ZBTB2: variants seen among roughly 807,000 people sequenced by gnomAD.
ZBTB2 encodes the protein zinc finger and BTB domain-containing protein 2.
A neutral mutation model predicts 39.5 loss-of-function variants in ZBTB2; 2 were observed. The observed-to-expected ratio is 0.05, with a 90% confidence interval of 0.02 to 0.16. The LOEUF is 0.16. Among genes scored for constraint, ZBTB2 ranks in the 10% least tolerant of loss-of-function variants. The pLI is 1.00. For missense variants in ZBTB2, 391 were observed against 653.0 expected, an observed-to-expected ratio of 0.60 and a Z score of 4.37; for synonymous variants, 251 against 256.6, an observed-to-expected ratio of 0.98 and a Z score of 0.21.
intron 1 of ZBTB2, among the ~76,000 whole-genome samples, chr6:151,390,562 G>C (rs932767285): frequency 6.6e-6 from 1 of 150,694 alleles, no homozygotes; most frequent in African/African-American, 2.4e-5. Context: ...CCCAGACAGG[G>C]AGAGAGGGAG....
In ZBTB2 at chr6:151,377,301, T is replaced by TA. The variant is rs1422865068; in HGVS notation, c.-12-3653dup. ...GATGTTTCCATTAGGGGAAACTGGG[T>TA]AAAGGGTATATGGGATCTCTATTTC... On this transcript the variant is annotated intron_variant, in intron 1 of 2. Coordinates refer to ENST00000325144, the MANE Select transcript of ZBTB2 (RefSeq NM_020861.3). 2.0e-5 allele frequency among the ~76,000 whole-genome samples: 3 copies of TA among 152,006 alleles called. No individual in the cohort carries two copies. In the East Asian group the frequency reaches 5.8e-4, roughly 29 times the overall value.
intron 1 of ZBTB2, among the ~76,000 whole-genome samples, chr6:151,373,855 A>AC (rs1778838551): frequency 1.4e-5 from 2 of 143,032 alleles, no homozygotes; most frequent in South Asian, 2.3e-4. Flanking sequence ...AAAAAAAAAA[A>AC]AAAAAAAAAA....
At chr6:151,375,601 GGTAGCA>G (rs1778889318) in intron 1 of ZBTB2, among the ~76,000 whole-genome samples, 2 of 152,194 alleles carry the variant, frequency 1.3e-5, no homozygotes, top group African/African-American at 4.8e-5. Flanking sequence ...TCTTGTTGCA[GGTAGCA>G]GTGCAGTGGC....
intron 1 of ZBTB2, among the ~76,000 whole-genome samples, chr6:151,387,433 T>C (rs1258887353): frequency 6.6e-6 from 1 of 152,208 alleles, no homozygotes; most frequent in Non-Finnish European, 1.5e-5. Flanking sequence ...TTTGACTTCA[T>C]TGAATCCTGA....
At chr6:151,375,305 AC>A (rs1469101986) in intron 1 of ZBTB2, among the ~76,000 whole-genome samples, 1 of 152,216 alleles carries the variant, frequency 6.6e-6, no homozygotes, top group East Asian at 1.9e-4. Flanking sequence ...TGTAAATCTA[AC>A]AAAACATGTG....
At chr6:151,368,614 C>T (rs1025490355) in intron 2 of ZBTB2, among the ~76,000 whole-genome samples, 19 of 151,462 alleles carry the variant, frequency 1.3e-4, no homozygotes, top group African/African-American at 3.9e-4. Flanking sequence ...CCACCAGTCC[C>T]GGCTAGTTTT....
At chr6:151,390,565 A>C (rs758684996) in intron 1 of ZBTB2, among the ~76,000 whole-genome samples, 1 of 149,060 alleles carries the variant, frequency 6.7e-6, no homozygotes. Context: ...AGACAGGGAG[A>C]GAGGGAGAGG....
Position 151,365,526 on chromosome 6 carries a change from C to T in ZBTB2, c.1540G>A (p.Asp514Asn). The part of the protein sequence containing the change: ...IKKEQETVLL[D>N] Reference sequence around the variant, plus strand: ...TTTAAAAAGATAAGTGACATTCAGTCTAGTAAGACGGTTTCTTGTTCCTTT... The same window carrying T: ...TTTAAAAAGATAAGTGACATTCAGTTTAGTAAGACGGTTTCTTGTTCCTTT... The change falls in exon 3 of 3, where the codon GAC (aspartate) becomes AAC (asparagine). Residue 514 changes from aspartate (D) to asparagine (N), a missense_variant. By Grantham distance (23) the Asp-to-Asn change is conservative. This residue lies in a region of ZBTB2 where 49 missense variants were observed against 55.6 expected (regional missense o/e 0.88). Coordinates refer to ENST00000325144, the MANE Select transcript of ZBTB2 (RefSeq NM_020861.3). The surrounding 1 kb of genome is among the most constrained non-coding windows in gnomAD (Gnocchi z 5.6). 6.2e-7 allele frequency: 1 copy of T among 1,602,254 alleles called. No individual in the cohort carries two copies. The highest frequency in any genetic ancestry group is 1.7e-4 in the Middle Eastern group (1 of 5,990).
intron 1 of ZBTB2, among the ~76,000 whole-genome samples, chr6:151,387,849 A>G (rs1381061741): frequency 6.6e-6 from 1 of 152,184 alleles, no homozygotes; most frequent in African/African-American, 2.4e-5. Context: ...GGATCTACAT[A>G]TGTTGGGCTG....
intron 1 of ZBTB2, among the ~76,000 whole-genome samples, chr6:151,382,461 G>T (rs1779055947): frequency 6.6e-6 from 1 of 151,516 alleles, no homozygotes; most frequent in Non-Finnish European, 1.5e-5. Flanking sequence ...CTCCATGTTG[G>T]TCAGGCTGGT....
intron 1 of ZBTB2, among the ~76,000 whole-genome samples, chr6:151,373,869 A>AAC (rs869198661): frequency 1.4e-5 from 2 of 147,222 alleles, no homozygotes; most frequent in Non-Finnish European, 3.0e-5. Flanking sequence ...AAAAAAAAAA[A>AAC]AAAAAAAACC....
intron 1 of ZBTB2, among the ~76,000 whole-genome samples, chr6:151,389,621 A>G (rs1779238591): frequency 6.6e-6 from 1 of 152,180 alleles, no homozygotes; most frequent in Non-Finnish European, 1.5e-5. Context: ...CTAAAACAAT[A>G]CCCTGATAAA....
At chr6:151,379,257 T>C (rs1778981215) in intron 1 of ZBTB2, among the ~76,000 whole-genome samples, 1 of 152,214 alleles carries the variant, frequency 6.6e-6, no homozygotes, top group African/African-American at 2.4e-5. Flanking sequence ...GTAAAGCTTA[T>C]TTTTACATTT....
In ZBTB2 at chr6:151,373,482, C is replaced by A; in HGVS notation, c.156G>T (p.Leu52Phe). 1 of 1,614,130 alleles carries A rather than the reference C, an allele frequency of 6.2e-7. No individual in the cohort carries two copies. Among genetic ancestry groups the A allele is most frequent in the Non-Finnish European group, 8.5e-7 (1 of 1,180,020 alleles). Residue 52 changes from leucine (L) to phenylalanine (F), a missense_variant, in exon 2 of 3, where the codon TTG (leucine) becomes TTT (phenylalanine). This residue lies in a region of ZBTB2 where 38 missense variants were observed against 109.2 expected (regional missense o/e 0.35). Transcript: ENST00000325144. ...TTAGTTACCTGGTCTGATGGACAAA[C>A]AACATCTTAAAGTAATTGGAGAATG... ...LASFSNYFKM[L>F]FVHQTSECVR... is the part of the protein sequence containing the mutation.
At chr6:151,375,268 A>T (rs985351053) in intron 1 of ZBTB2, among the ~76,000 whole-genome samples, 1 of 152,238 alleles carries the variant, frequency 6.6e-6, no homozygotes, top group African/African-American at 2.4e-5. Flanking sequence ...TACCATTTAA[A>T]ATCACTCAAA....
At chr6:151,370,753 C>T (rs996448524) in intron 2 of ZBTB2, among the ~76,000 whole-genome samples, 1 of 152,218 alleles carries the variant, frequency 6.6e-6, no homozygotes, top group Admixed American at 6.5e-5. Context: ...TCATGCCCCA[C>T]AGAGGAGGTG....
chr6:151,381,625 C>T (rs2114874093), intron 1 of ZBTB2, among the ~76,000 whole-genome samples: 1 of 152,362 alleles, frequency 6.6e-6, no homozygotes, highest in South Asian at 2.1e-4. Context: ...CGCTGCACCT[C>T]TTCCAGGGTC....
intron 1 of ZBTB2, among the ~76,000 whole-genome samples, chr6:151,385,838 G>T (rs1292414851): frequency 3.3e-5 from 5 of 152,082 alleles, no homozygotes; most frequent in Non-Finnish European, 7.4e-5. Context: ...CTGGTCATTT[G>T]AATTTTAATA....
At chr6:151,368,787 G>A (rs1373248063) in intron 2 of ZBTB2, among the ~76,000 whole-genome samples, 2 of 145,252 alleles carry the variant, frequency 1.4e-5, no homozygotes, top group Non-Finnish European at 3.0e-5. Flanking sequence ...ATTTTGAGAC[G>A]AAGTCTTGCT....
Sources: allele counts gnomAD v4.1 joint callset (sites outside exome capture counted in the v4.1 genomes callset), GRCh38; gene constraint gnomAD v4.1.1; regional missense constraint gnomAD v4.1.1; non-coding constraint Gnocchi (gnomAD v3.1); transcripts MANE v1.5; gene names NCBI Gene and HGNC (gene_info 2026-07-23, HGNC 2026-07-21).